Variants in LNX1 observed in about 807,000 individuals in gnomAD.
LNX1 encodes the protein ligand of numb-protein X 1.
A neutral mutation model predicts 68.4 loss-of-function variants in LNX1; 54 were observed. The ratio of observed to expected loss-of-function variants is 0.79; its 90% CI spans 0.63 to 0.99. LNX1 has a LOEUF of 0.99. Among genes scored for constraint, LNX1 ranks in the 50% least tolerant of loss-of-function variants. The pLI is 0.00. For missense variants in LNX1, 906 were observed against 926.4 expected (o/e 0.98, Z 0.29); for synonymous variants, 336 against 350.0 (o/e 0.96, Z 0.45).
intron 5 of LNX1, chr4:53,496,620 T>C: frequency 2.1e-6 from 1 of 479,238 alleles, no homozygotes; most frequent in Non-Finnish European, 3.7e-6. Context: ...ACCATCTTTC[T>C]CCACCTTGTT....
intron 2 of LNX1, among the ~76,000 whole-genome samples, chr4:53,517,868 C>A (rs547738761): frequency 6.6e-6 from 1 of 152,172 alleles, no homozygotes; most frequent in Non-Finnish European, 1.5e-5. Flanking sequence ...GCAAGTCCAC[C>A]ATCTGGTATT....
At chr4:53,553,407 T>C (rs1729653753) in intron 2 of LNX1, among the ~76,000 whole-genome samples, 3 of 152,134 alleles carry the variant, frequency 2.0e-5, no homozygotes. Flanking sequence ...TTTTAGTAGG[T>C]TTGATTTAGA....
chr4:53,640,335 G>T (rs1199379862), intron 1 of LNX1, among the ~76,000 whole-genome samples: 1 of 152,200 alleles, frequency 6.6e-6, no homozygotes, highest in Non-Finnish European at 1.5e-5. Flanking sequence ...TTCTTTGGGA[G>T]AGCATCCTTA....
intron 2 of LNX1, among the ~76,000 whole-genome samples, chr4:53,613,214 C>A (rs545762547): frequency 5.9e-5 from 9 of 151,898 alleles, no homozygotes; most frequent in Non-Finnish European, 1.2e-4. Context: ...TAACTGTACA[C>A]ATGAACATAT....
At chr4:53,554,815 G>A (rs978078646) in intron 2 of LNX1, among the ~76,000 whole-genome samples, 57 of 149,730 alleles carry the variant, frequency 3.8e-4, no homozygotes, top group African/African-American at 1.4e-3. Flanking sequence ...TTGTACCATT[G>A]CACTCCAGCC....
At chr4:53,506,680 C>A (rs141365558) in intron 4 of LNX1, among the ~76,000 whole-genome samples, 2,526 of 151,674 alleles carry the variant, frequency 0.017, 69 homozygotes, top group African/African-American at 0.058. Flanking sequence ...CATGGAGAAA[C>A]CCCGTCTCTA....
chr4:53,611,925 G>A (rs1733513807), intron 2 of LNX1, among the ~76,000 whole-genome samples: 3 of 152,202 alleles, frequency 2.0e-5, no homozygotes, highest in South Asian at 2.1e-4. Context: ...AACTTTTCAG[G>A]CAGAGATAAT....
At chr4:53,523,873 G>A (rs1727423419) in intron 2 of LNX1, among the ~76,000 whole-genome samples, 1 of 152,120 alleles carries the variant, frequency 6.6e-6, no homozygotes, top group South Asian at 2.1e-4. Flanking sequence ...TGCTTCCCCT[G>A]GCAGTGATAG....
intron 2 of LNX1, among the ~76,000 whole-genome samples, chr4:53,568,721 T>A (rs1475115616): frequency 1.3e-5 from 2 of 151,848 alleles, no homozygotes; most frequent in Non-Finnish European, 2.9e-5. Flanking sequence ...GAAGTCAAAT[T>A]GTCCCTGTTT....
chr4:53,484,136 C>A (rs1207248895), intron 6 of LNX1, among the ~76,000 whole-genome samples: 3 of 152,318 alleles, frequency 2.0e-5, no homozygotes, highest in East Asian at 1.9e-4. Context: ...TCTTTGACTT[C>A]TTGACCTCCA....
rs778093950 is a variant in LNX1, at chr4:53,573,767, C to T, written c.236G>A (p.Arg79His). Residue 79 changes from arginine (R) to histidine (H), a missense_variant, in exon 2 of 11, where the codon CGC (arginine) becomes CAC (histidine). Arg to His is a conservative substitution (Grantham distance 29, BLOSUM62 0). Coordinates refer to ENST00000263925, the MANE Select transcript of LNX1 (RefSeq NM_001126328.3). ...LVEKDFCPMD[R>H]KPLVLQHCKK... ...GCAGTGCTGCAGAACCAGAGGCTTG[C>T]GGTCCATGGGACAGAAGTCCTTCTC... 4.0e-5 allele frequency: 65 copies of T among 1,611,102 alleles called. No individual in the cohort carries two copies. Among genetic ancestry groups the T allele is most frequent in the East Asian group, 8.9e-5 (4 of 44,794 alleles).
chr4:53,559,627 G>A (rs770627472), intron 2 of LNX1, among the ~76,000 whole-genome samples: 10 of 152,110 alleles, frequency 6.6e-5, no homozygotes, highest in African/African-American at 1.2e-4. Flanking sequence ...AGGGCTTAAC[G>A]AGTATTAGCT....
At chr4:53,527,199 T>C (rs1727680868) in intron 2 of LNX1, among the ~76,000 whole-genome samples, 1 of 152,228 alleles carries the variant, frequency 6.6e-6, no homozygotes, top group African/African-American at 2.4e-5. Context: ...CAATTCACAT[T>C]TATAAACATA....
intron 2 of LNX1, among the ~76,000 whole-genome samples, chr4:53,521,285 G>A (rs1166468184): frequency 6.6e-6 from 1 of 152,188 alleles, no homozygotes; most frequent in East Asian, 1.9e-4. Context: ...TGCAGAGGTT[G>A]TCAGAGCTTG....
chr4:53,590,065 T>C (rs1732414035), intron 1 of LNX1, among the ~76,000 whole-genome samples: 1 of 152,132 alleles, frequency 6.6e-6, no homozygotes, highest in African/African-American at 2.4e-5. Flanking sequence ...AAGAGACAAG[T>C]GGTGGCCAAA....
At position 53,481,805 on chromosome 4, in the gene LNX1, C is replaced by T. The variant is rs771780717; in HGVS notation, c.1400G>A (p.Arg467Gln). 45 of 1,613,164 alleles carry T rather than the reference C, an allele frequency of 2.8e-5. No homozygotes were observed. The highest frequency in any genetic ancestry group is 2.5e-4 in the East Asian group (11 of 44,792). The change falls in exon 7 of 11, where the codon CGG becomes CAG. Residue 467 changes from arginine to glutamine, a missense_variant. By Grantham distance (43) the Arg-to-Gln change is conservative. Coordinates refer to ENST00000263925, the MANE Select transcript of LNX1 (RefSeq NM_001126328.3). ...GGCTTCCTGAAAGATGTCAGGGCTC[C>T]GCTGCCGAACCTGGCGGGACACGAC... ...HLVVSRQVRQRSPDIFQEAGW... is the reference protein window; with the variant it reads ...HLVVSRQVRQQSPDIFQEAGW...
intron 1 of LNX1, among the ~76,000 whole-genome samples, chr4:53,636,715 T>C (rs1281694806): frequency 2.0e-5 from 3 of 152,154 alleles, no homozygotes; most frequent in Non-Finnish European, 4.4e-5. Flanking sequence ...CACATTTTCC[T>C]ATCAGGGAGC....
intron 2 of LNX1, among the ~76,000 whole-genome samples, chr4:53,603,196 T>G (rs1289224292): frequency 6.6e-6 from 1 of 152,218 alleles, no homozygotes; most frequent in Non-Finnish European, 1.5e-5. Context: ...CGTGGGGCCA[T>G]GGAGGACTCC....
chr4:53,600,200 A>G (rs150154523), intron 2 of LNX1, among the ~76,000 whole-genome samples: 15 of 152,174 alleles, frequency 9.9e-5, no homozygotes, highest in South Asian at 2.1e-4. Context: ...ATGCTGTCCA[A>G]TAGAGTACTC....
Sources: gnomAD v4.1 joint callset for allele counts (sites outside exome capture counted in the v4.1 genomes callset) on GRCh38, gnomAD v4.1.1 for gene constraint, MANE v1.5 for transcripts, NCBI Gene and HGNC (gene_info 2026-07-23, HGNC 2026-07-21) for gene names.